PIK3CD: variants seen among roughly 807,000 people sequenced by gnomAD.
The protein encoded by PIK3CD is phosphatidylinositol 4,5-bisphosphate 3-kinase catalytic subunit delta isoform.
A neutral mutation model predicts 122.9 loss-of-function variants in PIK3CD; 20 were observed. The observed-to-expected ratio is 0.16, with a 90% CI of 0.11 to 0.24. The LOEUF (loss-of-function observed/expected upper bound fraction) is 0.24, where lower values mean the gene tolerates loss of function less well. Ranked by LOEUF, PIK3CD falls within the 10% of genes least tolerant of loss-of-function variation. PIK3CD has a pLI of 1.00. For missense variants in PIK3CD, 787 were observed against 1,406.3 expected, an observed-to-expected ratio of 0.56 and a Z score of 7.04; for synonymous variants, 596 against 593.4, an observed-to-expected ratio of 1.00 and a Z score of -0.06.
chr1:9,632,554 A>G, the PIK3CD span, among the ~76,000 whole-genome samples: 1 of 152,164 alleles, frequency 6.6e-6, no homozygotes, highest in Non-Finnish European at 1.5e-5. Flanking sequence ...AGAGGAACAG[A>G]TCAATTTAAC....
chr1:9,669,805 C>T lies in PIK3CD; in HGVS notation c.-138+18003C>T, dbSNP rs556680146. The stretch of plus-strand genomic sequence containing the variant: ...GATATTGGTCTCAAATGAACTACTT[C>T]ATGAGAATTTTCTTCTAGGAGGAAA... On this transcript the variant is annotated intron_variant, in intron 1 of 23. Coordinates refer to ENST00000377346, the MANE Select transcript of PIK3CD (RefSeq NM_005026.5). Among the ~76,000 whole-genome samples the T allele has an allele frequency of 7.8e-4, 118 of 152,248 alleles. 3 individuals are homozygous for T. In the South Asian group the frequency reaches 0.022, roughly 29 times the overall value.
chr1:9,726,522 T>C (rs1284116489), intron 23 of PIK3CD, among the ~76,000 whole-genome samples: 1 of 152,126 alleles, frequency 6.6e-6, no homozygotes, highest in Non-Finnish European at 1.5e-5. Flanking sequence ...AATGTATATA[T>C]ACAGATACAT....
chr1:9,678,589 C>G (rs1645628532), intron 1 of PIK3CD, among the ~76,000 whole-genome samples: 1 of 152,194 alleles, frequency 6.6e-6, no homozygotes, highest in Non-Finnish European at 1.5e-5. Flanking sequence ...GAAAAAGGCT[C>G]TTTCATCCAC....
rs1647905806 is a variant in PIK3CD, at chr1:9,718,434, G to C, written c.1021-260G>C. 6.6e-6 allele frequency among the ~76,000 whole-genome samples: 1 copy of C among 152,242 alleles called. No homozygotes were observed. The highest frequency in any genetic ancestry group is 1.9e-4 in the East Asian group (1 of 5,178). On this transcript the variant is annotated intron_variant, in intron 8 of 23. Transcript: ENST00000377346. This position sits in a 1 kb window ranked among gnomAD's most constrained non-coding sequence, Gnocchi z 7.2. Reference sequence around the variant, plus strand: ...CCTGATGGGGAAACTGAGGCCTGGAGTGGGGAATGGACATGCCCCGAGGTC... The same window carrying C: ...CCTGATGGGGAAACTGAGGCCTGGACTGGGGAATGGACATGCCCCGAGGTC...
chr1:9,724,404 T>C lies in PIK3CD; in HGVS notation c.2847T>C (p.Asn949=), dbSNP rs763591071. 6.2e-7 allele frequency: 1 copy of C among 1,613,842 alleles called. No individual in the cohort carries two copies. Among genetic ancestry groups the C allele is most frequent in the African/African-American group, 1.3e-5 (1 of 74,892 alleles). Residue 949 remains asparagine (N), a synonymous_variant, in exon 22 of 24, where the codon AAT becomes AAC. Transcript: ENST00000377346. The surrounding 1 kb of genome is among the most constrained non-coding windows in gnomAD (Gnocchi z 7.3). ...TGATTCAGCAGGGGAAGACTAATAA[T>C]AGTGAGAAATTTGAACGGTGAGAGT... The part of the protein sequence containing the change: ...VHVIQQGKTN[N]SEKFERFRGY...
intron 1 of PIK3CD, among the ~76,000 whole-genome samples, chr1:9,686,343 G>A (rs1553162790): frequency 6.6e-6 from 1 of 151,074 alleles, no homozygotes; most frequent in Non-Finnish European, 1.5e-5. Context: ...ACAGGCAAAT[G>A]CCACCATGCC....
chr1:9,663,522 G>C (rs976868733), intron 1 of PIK3CD, among the ~76,000 whole-genome samples: 3 of 152,090 alleles, frequency 2.0e-5, no homozygotes, highest in Admixed American at 6.6e-5. Context: ...AACCTAGAAG[G>C]CTCTTCTGGT....
intron 1 of PIK3CD, among the ~76,000 whole-genome samples, chr1:9,686,830 C>T (rs1356521588): frequency 6.6e-6 from 1 of 152,230 alleles, no homozygotes; most frequent in Non-Finnish European, 1.5e-5. Context: ...GTCACTTGGT[C>T]TCCTTGTGTC....
chr1:9,637,021 C>A, the PIK3CD span, among the ~76,000 whole-genome samples: 1 of 152,112 alleles, frequency 6.6e-6, no homozygotes, highest in Non-Finnish European at 1.5e-5. Flanking sequence ...CCTCAGCCTC[C>A]TGAGTAGCTG....
At chr1:9,633,023 G>A in the PIK3CD span, among the ~76,000 whole-genome samples, 1 of 151,822 alleles carries the variant, frequency 6.6e-6, no homozygotes, top group Admixed American at 6.6e-5. Flanking sequence ...AACCACACCC[G>A]GCTAATTTTT....
intron 1 of PIK3CD, among the ~76,000 whole-genome samples, chr1:9,687,080 C>G (rs533682621): frequency 6.6e-6 from 1 of 152,296 alleles, no homozygotes; most frequent in East Asian, 1.9e-4. Context: ...GACACCCGTG[C>G]CTGACACCCC....
At chr1:9,649,377 C>T (rs1644636340), upstream of PIK3CD, among the ~76,000 whole-genome samples, 1 of 152,066 alleles carries the variant, frequency 6.6e-6, no homozygotes, top group South Asian at 2.1e-4. Flanking sequence ...ACTACAGGTG[C>T]ACACCACTAA....
chr1:9,726,274 C>A (rs961962091), intron 23 of PIK3CD, among the ~76,000 whole-genome samples: 5 of 151,990 alleles, frequency 3.3e-5, no homozygotes, highest in Non-Finnish European at 7.4e-5. Context: ...TTTGGGAGGC[C>A]AAGGCGGGTG....
chr1:9,705,812 A>G (rs1646809642), intron 2 of PIK3CD, among the ~76,000 whole-genome samples: 1 of 152,202 alleles, frequency 6.6e-6, no homozygotes, highest in African/African-American at 2.4e-5. Flanking sequence ...AAATTTGACA[A>G]TACCAAGTGT....
At chr1:9,634,149 G>GTTTTT in the PIK3CD span, among the ~76,000 whole-genome samples, 13 of 46,356 alleles carry the variant, frequency 2.8e-4, no homozygotes, top group Admixed American at 4.4e-4. Context: ...TTTTTGGGTT[G>GTTTTT]TTTTTTTTTT....
intron 3 of PIK3CD, among the ~76,000 whole-genome samples, chr1:9,711,801 G>A (rs1260051578): frequency 6.6e-6 from 1 of 152,136 alleles, no homozygotes; most frequent in Non-Finnish European, 1.5e-5. Flanking sequence ...AGGCTAGAAT[G>A]TGCCTTTCAT....
rs755166062 is a variant in PIK3CD, at chr1:9,721,462, G to T, written c.1830G>T (p.Gln610His). Residue 610 changes from glutamine (Q) to histidine (H), a missense_variant, in exon 15 of 24, where the codon CAG (glutamine) becomes CAT (histidine). Gln to His is a conservative substitution (Grantham distance 24). Around this residue, in one of 6 missense-constraint regions of PIK3CD, gnomAD observed 592 missense variants for 920.6 expected, o/e 0.64. Coordinates refer to ENST00000377346, the MANE Select transcript of PIK3CD (RefSeq NM_005026.5). The stretch of plus-strand genomic sequence containing the variant: ...CCTGCAGGGACGATGAGCTGTTCCA[G>T]TACCTGCTGCAGCTGGTGCAGGTGC... ...LRKLTDDELF[Q>H]YLLQLVQVLK... 6.2e-7 allele frequency: 1 copy of T among 1,613,702 alleles called. No individual in the cohort carries two copies. The highest frequency in any genetic ancestry group is 1.1e-5 in the South Asian group (1 of 91,088).
At chr1:9,705,002 C>T (rs563935223) in intron 2 of PIK3CD, among the ~76,000 whole-genome samples, 2 of 152,120 alleles carry the variant, frequency 1.3e-5, no homozygotes, top group East Asian at 3.9e-4. Flanking sequence ...GCCCAGCCGG[C>T]GCTGCCACCC....
Position 9,724,885 on chromosome 1 carries a change from G to A in PIK3CD, c.2946G>A (p.Arg982=). Residue 982 remains arginine (R), a synonymous_variant, in exon 23 of 24, where the codon CGG becomes CGA. Transcript: ENST00000377346. This position sits in a 1 kb window ranked among gnomAD's most constrained non-coding sequence, Gnocchi z 7.3. ...LLFLHLFALM[R]AAGLPELSCS... ...TCCTCCACCTCTTTGCCCTGATGCG[G>A]GCGGCAGGCCTGCCTGAGCTCAGCT... 1 of 1,613,994 alleles carries A rather than the reference G, an allele frequency of 6.2e-7. No homozygotes were observed.
Sources: allele counts gnomAD v4.1 joint callset (sites outside exome capture counted in the v4.1 genomes callset), GRCh38; gene constraint gnomAD v4.1.1; regional missense constraint gnomAD v4.1.1; non-coding constraint Gnocchi (gnomAD v3.1); transcripts MANE v1.5; gene names NCBI Gene and HGNC (gene_info 2026-07-23, HGNC 2026-07-21).